PTPRE: variants seen among roughly 807,000 people sequenced by gnomAD.
PTPRE encodes receptor-type tyrosine-protein phosphatase epsilon.
In PTPRE, 51 loss-of-function variants were observed where a neutral mutation model predicts 102.0. The observed-to-expected ratio is 0.50, with a 90% CI of 0.40 to 0.63. The LOEUF is 0.63. Ranked by LOEUF, PTPRE falls within the 30% of genes least tolerant of loss-of-function variation. The pLI, the probability that PTPRE is intolerant of heterozygous loss-of-function variation, is 0.00. For missense variants in PTPRE, 752 were observed against 915.1 expected (o/e 0.82, Z 2.30); for synonymous variants, 345 against 348.2 (o/e 0.99, Z 0.10).
chr10:127,916,223 G>A (rs2135153432), intron 1 of PTPRE, among the ~76,000 whole-genome samples: 1 of 152,216 alleles, frequency 6.6e-6, no homozygotes, highest in Non-Finnish European at 1.5e-5. Context: ...CCCACATGTT[G>A]GGGGAGGGAC....
chr10:127,982,293 C>G lies in PTPRE; in HGVS notation c.-11C>G. 7.9e-7 allele frequency: 1 copy of G among 1,266,336 alleles called. No individual in the cohort carries two copies. The highest frequency in any genetic ancestry group is 2.4e-5 in the Admixed American group (1 of 41,506). 78.4% of individuals were successfully genotyped at this position (1,266,336 alleles called of 1,614,324 possible). On this transcript the variant is annotated 5_prime_UTR_variant, in exon 2 of 21. Coordinates refer to ENST00000254667, the MANE Select transcript of PTPRE (RefSeq NM_006504.6). ...CTTCAGACTATAGCCTTCACTTTCC[C>G]TCGGTGAGTACAAAACTTTTTAAAA...
intron 1 of PTPRE, among the ~76,000 whole-genome samples, chr10:127,977,943 G>A (rs999912350): frequency 2.0e-5 from 3 of 152,154 alleles, no homozygotes; most frequent in African/African-American, 7.2e-5. Context: ...ACCAGCCAAA[G>A]CTCCAGCCAA....
chr10:127,938,953 C>T (rs2135278939), intron 1 of PTPRE, among the ~76,000 whole-genome samples: 1 of 152,316 alleles, frequency 6.6e-6, no homozygotes, highest in East Asian at 1.9e-4. Flanking sequence ...GGGCACTCTG[C>T]ATTGGAGTAA....
chr10:127,991,486 C>T (rs1019975153), intron 2 of PTPRE, among the ~76,000 whole-genome samples: 1 of 152,190 alleles, frequency 6.6e-6, no homozygotes, highest in African/African-American at 2.4e-5. Flanking sequence ...GGGTGTTTAA[C>T]CTGACCTAGG....
At chr10:127,923,771 G>A (rs1267273660) in intron 1 of PTPRE, among the ~76,000 whole-genome samples, 2 of 152,160 alleles carry the variant, frequency 1.3e-5, no homozygotes, top group Non-Finnish European at 2.9e-5. Context: ...TTTAACACAG[G>A]ATTCAAACCA....
intron 2 of PTPRE, among the ~76,000 whole-genome samples, chr10:128,020,322 T>C (rs1845774171): frequency 6.6e-6 from 1 of 152,222 alleles, no homozygotes; most frequent in Non-Finnish European, 1.5e-5. Flanking sequence ...CACAAATCCA[T>C]TTTTTACTTG....
chr10:128,057,203 G>A (rs748293466), intron 7 of PTPRE, among the ~76,000 whole-genome samples: 20 of 149,524 alleles, frequency 1.3e-4, no homozygotes, highest in Non-Finnish European at 2.5e-4. Flanking sequence ...GGGAACAAGA[G>A]CGAAACTCCA....
At chr10:128,049,389 T>G in intron 5 of PTPRE, 141 bp from the exon 6 acceptor site, 1 of 1,078,884 alleles carries the variant, frequency 9.3e-7, no homozygotes, top group Middle Eastern at 2.3e-4. Flanking sequence ...GGACCCGGCT[T>G]AGCCCAGCTA....
At position 128,082,780 on chromosome 10, in the gene PTPRE, C is replaced by A; in HGVS notation, c.2029-52C>A. 4 of 1,513,198 alleles carry A rather than the reference C, an allele frequency of 2.6e-6. No homozygotes were observed. The South Asian group carries it at 5.5e-5, about 21-fold the overall frequency. 93.7% of individuals were successfully genotyped at this position (1,513,198 alleles called of 1,614,324 possible). ...TTTTTGAGTATTTCTCCTGATTAATCAAATATATTTTTGGGAATATCATTT... is the reference window on the plus strand; with the variant it reads ...TTTTTGAGTATTTCTCCTGATTAATAAAATATATTTTTGGGAATATCATTT... On this transcript the variant is annotated intron_variant, in intron 20 of 20. Coordinates refer to ENST00000254667, the MANE Select transcript of PTPRE (RefSeq NM_006504.6).
intron 1 of PTPRE, among the ~76,000 whole-genome samples, chr10:127,941,063 G>A (rs1183622815): frequency 2.0e-5 from 3 of 152,196 alleles, no homozygotes; most frequent in African/African-American, 7.2e-5. Flanking sequence ...CAGATGTACT[G>A]TGTCCTGGAG....
At chr10:128,030,658 T>C (rs1339060093) in intron 2 of PTPRE, among the ~76,000 whole-genome samples, 1 of 152,032 alleles carries the variant, frequency 6.6e-6, no homozygotes, top group Non-Finnish European at 1.5e-5. Flanking sequence ...TGGCCTCTGC[T>C]TTGAGCAGTG....
intron 1 of PTPRE, among the ~76,000 whole-genome samples, chr10:127,949,937 C>T (rs1194231851): frequency 6.6e-6 from 1 of 152,074 alleles, no homozygotes; most frequent in African/African-American, 2.4e-5. Context: ...AAATAAATCC[C>T]ACCTCTGCCT....
intron 1 of PTPRE, among the ~76,000 whole-genome samples, chr10:127,962,691 G>A (rs981703938): frequency 6.6e-6 from 1 of 152,220 alleles, no homozygotes; most frequent in Non-Finnish European, 1.5e-5. Context: ...CCTCCCCAAC[G>A]CCCAGGACAT....
At chr10:127,932,099 TAAGGAATATAAG>T (rs1847487855) in intron 1 of PTPRE, among the ~76,000 whole-genome samples, 1 of 152,318 alleles carries the variant, frequency 6.6e-6, no homozygotes, top group African/African-American at 2.4e-5. Flanking sequence ...GTTCTTCTAT[TAAGGAATATAAG>T]AAGGAATATA....
intron 2 of PTPRE, chr10:127,999,706 T>G: frequency 1.0e-6 from 1 of 984,432 alleles, no homozygotes; most frequent in South Asian, 4.7e-5. Flanking sequence ...TTATTTCAAC[T>G]CGAGATGAGC....
chr10:128,079,243 C>G (rs898548428), intron 19 of PTPRE, among the ~76,000 whole-genome samples: 1 of 152,112 alleles, frequency 6.6e-6, no homozygotes, highest in Admixed American at 6.5e-5. Context: ...CCAGGGACCA[C>G]ACTTTGAGAA....
chr10:128,037,511 G>A (rs1353970052), intron 2 of PTPRE, among the ~76,000 whole-genome samples: 1 of 152,194 alleles, frequency 6.6e-6, no homozygotes, highest in African/African-American at 2.4e-5. Context: ...CTACTTTAGG[G>A]CTGAAACAAG....
At chr10:128,043,156 T>C (rs1162621355) in intron 3 of PTPRE, among the ~76,000 whole-genome samples, 1 of 152,218 alleles carries the variant, frequency 6.6e-6, no homozygotes, top group African/African-American at 2.4e-5. Context: ...GGTTTGGGGA[T>C]GATTCAAGTG....
At chr10:127,967,073 C>T (rs1850311145) in intron 1 of PTPRE, among the ~76,000 whole-genome samples, 1 of 152,216 alleles carries the variant, frequency 6.6e-6, no homozygotes, top group Admixed American at 6.5e-5. Context: ...CTCTGCCATC[C>T]GGTAAGTCTC....
Sources: allele counts gnomAD v4.1 joint callset (sites outside exome capture counted in the v4.1 genomes callset), GRCh38; gene constraint gnomAD v4.1.1; transcripts MANE v1.5; gene names NCBI Gene and HGNC (gene_info 2026-07-23, HGNC 2026-07-21).